ARHGEF10: variants seen among roughly 807,000 people sequenced by gnomAD.
ARHGEF10 encodes Rho guanine nucleotide exchange factor 10.
A neutral mutation model predicts 147.4 loss-of-function variants in ARHGEF10; 140 were observed. The observed-to-expected ratio is 0.95, with a 90% CI of 0.83 to 1.09. The LOEUF is 1.09. Ranked by LOEUF, ARHGEF10 falls within the 50% of genes least tolerant of loss-of-function variation. The pLI is 0.00. For synonymous variants in ARHGEF10, 902 were observed against 695.8 expected, an observed-to-expected ratio of 1.30 and a Z score of -4.67; for missense variants, 2,222 against 1,752.7, an observed-to-expected ratio of 1.27 and a Z score of -4.78.
At chr8:1,880,643 C>T (rs1213918439) in intron 9 of ARHGEF10, among the ~76,000 whole-genome samples, 1 of 152,232 alleles carries the variant, frequency 6.6e-6, no homozygotes, top group East Asian at 1.9e-4. Flanking sequence ...CATTTGGGCT[C>T]TCCATAATTT....
chr8:1,866,405 A>G, intron 5 of ARHGEF10, 121 bp from the exon 6 acceptor site: 1 of 472,422 alleles, frequency 2.1e-6, no homozygotes, highest in Non-Finnish European at 3.5e-6. Context: ...GTATAGTAAC[A>G]TATATATATA....
Position 1,934,717 on chromosome 8 carries a change from A to G in ARHGEF10, c.3222+775A>G, listed in dbSNP as rs1445679013. ...CCAGATGGATGGGACTTTCACCATG[A>G]AGACGAAACTATAAACCTCTAAGAT... On this transcript the variant is annotated intron_variant, in intron 26 of 28. Transcript: ENST00000349830. Among the ~76,000 whole-genome samples the G allele has an allele frequency of 2.0e-5, 3 of 152,336 alleles. No individual in the cohort carries two copies. In the East Asian group the frequency reaches 5.8e-4, roughly 29 times the overall value.
At chr8:1,888,495 AAGTCTGTGGAGATACTGAGT>A in intron 11 of ARHGEF10, among the ~76,000 whole-genome samples, 6 of 86,368 alleles carry the variant, frequency 6.9e-5, no homozygotes, top group African/African-American at 3.2e-4. Flanking sequence ...GTGGGGTAAG[AAGTCTGTGGAGATACTGAGT>A]GGGGTGAGGG....
At chr8:1,850,250 A>G (rs1749858919) in intron 2 of ARHGEF10, among the ~76,000 whole-genome samples, 2 of 118,694 alleles carry the variant, frequency 1.7e-5, no homozygotes, top group Non-Finnish European at 3.8e-5. Context: ...AGTCGCGTGG[A>G]CACAGACGGC....
In ARHGEF10 at chr8:1,896,464, T is replaced by C. The variant is rs766735498; in HGVS notation, c.1557+15T>C. The C allele has an allele frequency of 1.3e-6, 2 of 1,581,248 alleles. No individual in the cohort carries two copies. The highest frequency in any genetic ancestry group is 1.7e-6 in the Non-Finnish European group (2 of 1,150,816). The stretch of plus-strand genomic sequence containing the variant: ...AATTTTTAAAGGTAAGCGCTTTTTT[T>C]TTTCATTTGGGTTTTAACACCATCT... On this transcript the variant is annotated intron_variant, in intron 14 of 28. Transcript: ENST00000349830.
At chr8:1,934,278 C>T (rs546348543) in intron 26 of ARHGEF10, among the ~76,000 whole-genome samples, 3 of 145,038 alleles carry the variant, frequency 2.1e-5, no homozygotes, top group Middle Eastern at 3.8e-3. Context: ...CACTTGAGCC[C>T]AGGAGGTCCA....
intron 10 of ARHGEF10, among the ~76,000 whole-genome samples, chr8:1,884,920 A>T (rs1808525877): frequency 1.3e-5 from 2 of 152,198 alleles, no homozygotes; most frequent in South Asian, 4.2e-4. Flanking sequence ...GCTCACAACC[A>T]TGCCTGGCTA....
At position 1,824,009 on chromosome 8, in the gene ARHGEF10, G is replaced by GC. The variant is rs1335651249; in HGVS notation, c.-152_-151insC. 1.4e-5 allele frequency: 1 copy of GC among 72,490 alleles called. No homozygotes were observed. The allele number at this position is 72,490 out of a possible 1,614,324, so 4.5% of individuals were successfully genotyped here. On this transcript the variant is annotated 5_prime_UTR_variant, in exon 1 of 29. Transcript: ENST00000349830. Reference sequence around the variant, plus strand: ...GGGGGACGCGGGGGACGCGGGGGACGGCGGGGAACGGCGGGGGACGGCGGG... The same window carrying GC: ...GGGGGACGCGGGGGACGCGGGGGACGCGCGGGGAACGGCGGGGGACGGCGGG...
intron 1 of ARHGEF10, among the ~76,000 whole-genome samples, chr8:1,840,335 CGATATGGGGACTGTCT>C: frequency 2.5e-5 from 3 of 121,164 alleles, no homozygotes; most frequent in African/African-American, 1.0e-4. Flanking sequence ...GGAAGCTGTC[CGATATGGGGACTGTCT>C]GGTGTGGAAG....
At position 1,933,908 on chromosome 8, in the gene ARHGEF10, T is replaced by A. The variant is rs1563307528; in HGVS notation, c.3188T>A (p.Val1063Asp). 1 of 1,614,076 alleles carries A rather than the reference T, an allele frequency of 6.2e-7. No homozygotes were observed. Among genetic ancestry groups the A allele is most frequent in the African/African-American group, 1.3e-5 (1 of 74,924 alleles). Reference sequence around the variant, plus strand: ...TTGTGGGCGGCTTCCGGAGGTCAAGTCTTCATCATCAGTGTGGAGACTCAT... The same window carrying A: ...TTGTGGGCGGCTTCCGGAGGTCAAGACTTCATCATCAGTGTGGAGACTCAT... The part of the protein sequence containing the change: ...DTLWAASGGQ[V>D]FIISVETHAV... Residue 1063 changes from valine (V) to aspartate (D), a missense_variant, in exon 26 of 29, where the codon GTC becomes GAC. Coordinates refer to ENST00000349830, the MANE Select transcript of ARHGEF10 (RefSeq NM_014629.4).
At chr8:1,830,739 GAAAGAGAAGGCATAC>G (rs1402526278) in intron 1 of ARHGEF10, among the ~76,000 whole-genome samples, 2 of 152,232 alleles carry the variant, frequency 1.3e-5, no homozygotes, top group African/African-American at 4.8e-5. Flanking sequence ...AAAAGCTGCG[GAAAGAGAAGGCATAC>G]ACGGGGCTAC....
chr8:1,871,171 A>G (rs1476619297), intron 7 of ARHGEF10: 2 of 151,928 alleles, frequency 1.3e-5, no homozygotes, highest in South Asian at 2.1e-4. Flanking sequence ...GCAATGTAGT[A>G]TGATTGACTT....
At chr8:1,952,549 C>A (rs1490005978) in intron 27 of ARHGEF10, among the ~76,000 whole-genome samples, 156 bp from the exon 28 acceptor site, 3 of 152,224 alleles carry the variant, frequency 2.0e-5, no homozygotes, top group Non-Finnish European at 4.4e-5. Context: ...GTTGAGGGAG[C>A]CTGGTGCTCG....
At chr8:1,853,974 C>A (rs1315312755) in intron 2 of ARHGEF10, among the ~76,000 whole-genome samples, 1 of 152,236 alleles carries the variant, frequency 6.6e-6, no homozygotes, top group Non-Finnish European at 1.5e-5. Flanking sequence ...CAGACGAGCT[C>A]ACCAGCAGAC....
intron 2 of ARHGEF10, among the ~76,000 whole-genome samples, chr8:1,843,828 A>C (rs970028926): frequency 6.6e-6 from 1 of 152,076 alleles, no homozygotes; most frequent in Non-Finnish European, 1.5e-5. Flanking sequence ...GTGCTCGCCC[A>C]GTTTCCTTTT....
intron 25 of ARHGEF10, 46 bp downstream of exon 25, chr8:1,929,489 CAG>C (rs1812944476): frequency 6.4e-7 from 1 of 1,562,276 alleles, no homozygotes; most frequent in Non-Finnish European, 8.6e-7. Context: ...GGGGTTCACT[CAG>C]GGGACTGTGC....
At position 1,957,100 on chromosome 8, in the gene ARHGEF10, T is replaced by G; in HGVS notation, c.3872T>G (p.Leu1291Arg). The change falls in exon 29 of 29, where the codon CTG becomes CGG. Residue 1291 changes from leucine (L) to arginine (R), a missense_variant. By Grantham distance (102) the Leu-to-Arg change is moderately radical. Coordinates refer to ENST00000349830, the MANE Select transcript of ARHGEF10 (RefSeq NM_014629.4). Reference protein sequence around the residue: ...IYDLLKDPVSLRSKARRAKKA... With the variant: ...IYDLLKDPVSRRSKARRAKKA... ...GATCTCCTGAAGGATCCTGTCTCGCTGAGAAGCAAAGCACGCCGGGCCAAG... is the reference window on the plus strand; with the variant it reads ...GATCTCCTGAAGGATCCTGTCTCGCGGAGAAGCAAAGCACGCCGGGCCAAG... 6.2e-7 allele frequency: 1 copy of G among 1,613,328 alleles called. No homozygotes were observed. Among genetic ancestry groups the G allele is most frequent in the Non-Finnish European group, 8.5e-7 (1 of 1,180,036 alleles).
At position 1,851,406 on chromosome 8, in the gene ARHGEF10, G is replaced by A. The variant is rs1013757623; in HGVS notation, c.38-6554G>A. 2.6e-5 allele frequency among the ~76,000 whole-genome samples: 4 copies of A among 151,964 alleles called. No homozygotes were observed. The South Asian group carries it at 8.3e-4, about 32-fold the overall frequency. ...CCTCACACAGAAGGCACAGCACCAG[G>A]AGCGAGGCCTAACACACACCGTGGG... On this transcript the variant is annotated intron_variant, in intron 2 of 28. Coordinates refer to ENST00000349830, the MANE Select transcript of ARHGEF10 (RefSeq NM_014629.4).
At position 1,865,438 on chromosome 8, in the gene ARHGEF10, G is replaced by T. The variant is rs184931134; in HGVS notation, c.545+1002G>T. Among the ~76,000 whole-genome samples, 432 of 151,824 alleles carry T rather than the reference G, an allele frequency of 2.8e-3. 2 individuals are homozygous for T. Among genetic ancestry groups the T allele is most frequent in the Non-Finnish European group, 1.1e-3 (77 of 67,906 alleles). On this transcript the variant is annotated intron_variant, in intron 5 of 28. Coordinates refer to ENST00000349830, the MANE Select transcript of ARHGEF10 (RefSeq NM_014629.4). ...ATGGGGCATCCCCCAGCACCCAGGG[G>T]GCCATCACCAGGGCATGGGGCATCC... is the stretch of plus-strand genomic sequence containing the variant.
Sources: allele counts gnomAD v4.1 joint callset (sites outside exome capture counted in the v4.1 genomes callset), GRCh38; gene constraint gnomAD v4.1.1; transcripts MANE v1.5; gene names NCBI Gene and HGNC (gene_info 2026-07-23, HGNC 2026-07-21).